The following AMPD3 variants were observed in gnomAD, a reference collection of about 807,000 sequenced individuals.
The protein encoded by AMPD3 is adenosine monophosphate deaminase 3, also known as AMP deaminase 3.
In AMPD3, 57 loss-of-function variants were observed where a neutral mutation model predicts 82.3. The ratio of observed to expected loss-of-function variants is 0.69; its 90% CI spans 0.56 to 0.86. The LOEUF (loss-of-function observed/expected upper bound fraction) is 0.86, where lower values mean the gene tolerates loss of function less well. Among genes scored for constraint, AMPD3 ranks in the 40% least tolerant of loss-of-function variants. The probability of loss-of-function intolerance (pLI) is 0.00; values close to 1 mark genes in which losing one functional copy is unlikely to be tolerated. For synonymous variants in AMPD3, 381 were observed against 394.7 expected (o/e 0.97, Z 0.41); for missense variants, 870 against 1,003.8 (o/e 0.87, Z 1.80).
Position 10,505,974 on chromosome 11 carries a change from C to G in AMPD3, c.*90C>G. ...GTCAAGATTCCGAACTAGGACTTTC[C>G]TCTGTGAAGAGGATGCCTCTGAAGA... On this transcript the variant is annotated 3_prime_UTR_variant, in exon 15 of 15. Coordinates refer to ENST00000396553, the MANE Select transcript of AMPD3 (RefSeq NM_001025389.2). The G allele has an allele frequency of 6.7e-7, 1 of 1,500,228 alleles. No individual in the cohort carries two copies. The highest frequency in any genetic ancestry group is 9.2e-7 in the Non-Finnish European group (1 of 1,085,174). The allele number at this position is 1,500,228 out of a possible 1,614,324, so 92.9% of individuals were successfully genotyped here.
intron 2 of AMPD3, among the ~76,000 whole-genome samples, chr11:10,476,475 T>G (rs10840423): frequency 0.28 from 41,610 of 150,358 alleles, 6,052 homozygotes; most frequent in South Asian, 0.4. Flanking sequence ...GTTTTTTTTT[T>G]TGTGTGTGTG....
At position 10,496,565 on chromosome 11, in the gene AMPD3, TG is replaced by T. The variant is rs1189725300; in HGVS notation, c.1431-245del. 5.1e-6 allele frequency: 5 copies of T among 984,930 alleles called. No homozygotes were observed. In the Admixed American group the frequency reaches 3.1e-4, roughly 61 times the overall value. 61.0% of individuals were successfully genotyped at this position (984,930 alleles called of 1,614,324 possible). ...CAGAATGCCACCATCCCATTCCTAG[TG>T]GCTTCTGGCTTGAGAAAGTGCTCTG... is the stretch of plus-strand genomic sequence containing the variant. On this transcript the variant is annotated intron_variant, in intron 9 of 14. Transcript: ENST00000396553.
chr11:10,472,551 A>G (rs1848625581), intron 2 of AMPD3, among the ~76,000 whole-genome samples: 1 of 152,216 alleles, frequency 6.6e-6, no homozygotes, highest in African/African-American at 2.4e-5. Context: ...ATTGAGAAAC[A>G]TATGTGCTTT....
intron 2 of AMPD3, among the ~76,000 whole-genome samples, chr11:10,470,144 G>T (rs562537499): frequency 8.1e-4 from 124 of 152,174 alleles, no homozygotes; most frequent in Non-Finnish European, 1.6e-3. Context: ...TACCTGGGAT[G>T]CAAGGCTGGT....
upstream of AMPD3, among the ~76,000 whole-genome samples, chr11:10,453,986 C>T (rs989092376): frequency 4.6e-5 from 7 of 152,096 alleles, no homozygotes; most frequent in African/African-American, 1.4e-4. Flanking sequence ...AGTCTAGTCT[C>T]GGGCAGGAGA....
intron 3 of AMPD3, among the ~76,000 whole-genome samples, chr11:10,480,804 C>G (rs916788047): frequency 5.3e-5 from 8 of 152,156 alleles, no homozygotes; most frequent in African/African-American, 1.9e-4. Context: ...CAGAGGAGAT[C>G]ACTTTCAGGC....
At chr11:10,462,723 G>T (rs1299338662) in intron 2 of AMPD3, among the ~76,000 whole-genome samples, 2 of 152,134 alleles carry the variant, frequency 1.3e-5, no homozygotes, top group Non-Finnish European at 2.9e-5. Context: ...ATGGGGTTAG[G>T]GGAGAGAAAG....
At chr11:10,487,602 G>A (rs141312070) in intron 6 of AMPD3, among the ~76,000 whole-genome samples, 23 of 152,324 alleles carry the variant, frequency 1.5e-4, no homozygotes, top group Non-Finnish European at 2.5e-4. Context: ...ACATTTGTCC[G>A]CATTGTATAT....
At chr11:10,489,737 G>C (rs892021030) in intron 6 of AMPD3, among the ~76,000 whole-genome samples, 1 of 151,826 alleles carries the variant, frequency 6.6e-6, no homozygotes, top group African/African-American at 2.4e-5. Flanking sequence ...CTGGAGTGCA[G>C]TGGTACAATC....
At chr11:10,502,980 C>A in intron 13 of AMPD3, 86 bp downstream of exon 13, 2 of 1,479,706 alleles carry the variant, frequency 1.4e-6, no homozygotes, top group Non-Finnish European at 1.9e-6. Context: ...GAGCCCATGG[C>A]TTAGTTCTGC....
rs150410266 is a variant in AMPD3, at chr11:10,466,032, C to T, written c.221+4292C>T. Among the ~76,000 whole-genome samples, 504 of 152,154 alleles carry T rather than the reference C, an allele frequency of 3.3e-3. 4 individuals are homozygous for T. Among genetic ancestry groups the T allele is most frequent in the Non-Finnish European group, 3.9e-3 (265 of 67,988 alleles). On this transcript the variant is annotated intron_variant, in intron 2 of 14. Transcript: ENST00000396553. ...ATCCCAGCACTTAGGGAGGCCAAGG[C>T]GAGTGGATCACCTGACGTCAGGAGT...
chr11:10,486,671 A>G (rs181920296), intron 5 of AMPD3: 86 of 985,412 alleles, frequency 8.7e-5, no homozygotes, highest in Non-Finnish European at 3.5e-5. Context: ...GGCCGTGGCC[A>G]TTAGGTCAGG....
Position 10,462,255 on chromosome 11 carries a change from C to T in AMPD3, c.221+515C>T, listed in dbSNP as rs190649640. On this transcript the variant is annotated intron_variant, in intron 2 of 14. Transcript: ENST00000396553. ...AGGGTCCAACTAGAAGATCAGAAAC[C>T]AATGAAGTATTAGAATTTTAATGCA... is the stretch of plus-strand genomic sequence containing the variant. Among the ~76,000 whole-genome samples, 5 of 152,192 alleles carry T rather than the reference C, an allele frequency of 3.3e-5. No homozygotes were observed. The East Asian group carries it at 7.7e-4, about 23-fold the overall frequency.
At chr11:10,450,932 G>A (rs558692820), upstream of AMPD3, 108 of 1,304,214 alleles carry the variant, frequency 8.3e-5, no homozygotes, top group African/African-American at 1.6e-3. Context: ...CCCTGGCCCC[G>A]GCTGGCCTCA....
At chr11:10,471,193 G>A (rs1265484491) in intron 2 of AMPD3, among the ~76,000 whole-genome samples, 1 of 152,094 alleles carries the variant, frequency 6.6e-6, no homozygotes, top group Non-Finnish European at 1.5e-5. Flanking sequence ...GACAAACCTG[G>A]CACAAACAAG....
At chr11:10,505,656 A>G in intron 14 of AMPD3, 52 bp from the exon 15 acceptor site, 1 of 1,600,238 alleles carries the variant, frequency 6.2e-7, no homozygotes, top group South Asian at 1.1e-5. Flanking sequence ...ACATGGCTAT[A>G]GAAAGTGAAT....
intron 1 of AMPD3, chr11:10,461,159 G>T: frequency 3.3e-6 from 4 of 1,208,622 alleles, no homozygotes; most frequent in Non-Finnish European, 4.2e-6. Context: ...AGGAGGGAGA[G>T]CTGAACTCTC....
chr11:10,460,330 C>T (rs1472494285), intron 1 of AMPD3, among the ~76,000 whole-genome samples: 1 of 151,362 alleles, frequency 6.6e-6, no homozygotes, highest in East Asian at 1.9e-4. Flanking sequence ...AACTTCTGGG[C>T]TCAAGCAGTC....
intron 10 of AMPD3, chr11:10,499,648 T>C: frequency 1.0e-6 from 1 of 985,434 alleles, no homozygotes. Flanking sequence ...TAAAGTGCTT[T>C]GAGCAGGGCT....
Sources: gnomAD v4.1 joint callset for allele counts (sites outside exome capture counted in the v4.1 genomes callset) on GRCh38, gnomAD v4.1.1 for gene constraint, MANE v1.5 for transcripts, NCBI Gene and HGNC (gene_info 2026-07-23, HGNC 2026-07-21) for gene names.